The following PIAS4 variants were observed in gnomAD, a reference collection of about 807,000 sequenced individuals.
PIAS4 encodes protein inhibitor of activated STAT 4.
PIAS4 carries 7 observed loss-of-function variants against 58.0 expected under a neutral mutation model. The ratio of observed to expected loss-of-function variants is 0.12; its 90% confidence interval spans 0.07 to 0.23. The LOEUF (loss-of-function observed/expected upper bound fraction) is 0.23. Among genes scored for constraint, PIAS4 ranks in the 10% least tolerant of loss-of-function variants. PIAS4 has a pLI of 1.00. For synonymous variants in PIAS4, 364 were observed against 312.4 expected, an observed-to-expected ratio of 1.17 and a Z score of -1.74; for missense variants, 550 against 709.5, an observed-to-expected ratio of 0.78 and a Z score of 2.55.
chr19:4,037,249 T>G lies in PIAS4; in HGVS notation c.1143-125T>G. ...GGTCCCTGGACCCCTGCGGTCGGGG[T>G]GGTGAGGCTGCTCTTGCAGAGAGAA... is the stretch of plus-strand genomic sequence containing the variant. On this transcript the variant is annotated intron_variant, in intron 9 of 10. Transcript: ENST00000262971. This position sits in a 1 kb window ranked among gnomAD's most constrained non-coding sequence, Gnocchi z 5.8. 2.5e-6 allele frequency: 3 copies of G among 1,205,778 alleles called. No homozygotes were observed. Among genetic ancestry groups the G allele is most frequent in the South Asian group, 1.5e-5 (1 of 65,050 alleles). The allele number at this position is 1,205,778 out of a possible 1,614,324, so 74.7% of individuals were successfully genotyped here.
At chr19:4,035,153 G>A (rs531790148) in intron 9 of PIAS4, among the ~76,000 whole-genome samples, 44 of 152,286 alleles carry the variant, frequency 2.9e-4, no homozygotes, top group African/African-American at 1.0e-3. Context: ...CTCAGAGAGA[G>A]CTCGGCGGGG....
Position 4,013,419 on chromosome 19 carries a change from CCA to C in PIAS4, c.454+75_454+76del. 7.3e-7 allele frequency: 1 copy of C among 1,374,168 alleles called. No homozygotes were observed. The highest frequency in any genetic ancestry group is 2.3e-5 in the East Asian group (1 of 43,338). 85.1% of individuals were successfully genotyped at this position (1,374,168 alleles called of 1,614,324 possible). A position where few individuals can be genotyped will look rare whatever the true frequency, so the allele number is the denominator to read the frequency against. The stretch of plus-strand genomic sequence containing the variant: ...GGCCCCGTCGCCCAGCCCAGCCCAG[CCA>C]CACAGCCGACTTCGAGTGATGTTCT... On this transcript the variant is annotated intron_variant, in intron 2 of 10. Coordinates refer to ENST00000262971, the MANE Select transcript of PIAS4 (RefSeq NM_015897.4). The surrounding 1 kb of genome is among the most constrained non-coding windows in gnomAD (Gnocchi z 5.1).
intron 9 of PIAS4, 34 bp downstream of exon 9, chr19:4,033,614 C>A: frequency 6.4e-7 from 1 of 1,556,694 alleles, no homozygotes; most frequent in Non-Finnish European, 8.7e-7. Flanking sequence ...GCGGCCGGAG[C>A]CGGACATCCG....
chr19:4,030,982 C>A (rs191960085), intron 7 of PIAS4, among the ~76,000 whole-genome samples: 2 of 152,186 alleles, frequency 1.3e-5, no homozygotes, highest in Admixed American at 6.5e-5. Context: ...CTGGGCCAGC[C>A]GGGTTTGCTC....
chr19:4,012,048 G>A (rs1485970481), intron 1 of PIAS4, among the ~76,000 whole-genome samples: 3 of 146,686 alleles, frequency 2.0e-5, no homozygotes, highest in Non-Finnish European at 4.5e-5. Context: ...AGGTGTGTGG[G>A]GTGTGGAGGT....
At chr19:4,017,966 C>T (rs1384949531) in intron 2 of PIAS4, among the ~76,000 whole-genome samples, 4 of 151,990 alleles carry the variant, frequency 2.6e-5, no homozygotes, top group Non-Finnish European at 4.4e-5. Flanking sequence ...TGAGCCACTG[C>T]GCCCAGTCTC....
At chr19:4,010,393 T>C (rs1371847537) in intron 1 of PIAS4, among the ~76,000 whole-genome samples, 3 of 152,260 alleles carry the variant, frequency 2.0e-5, no homozygotes, top group Non-Finnish European at 2.9e-5. Context: ...CTTCGGCCAG[T>C]CTGCCAGTGT....
intron 2 of PIAS4, among the ~76,000 whole-genome samples, chr19:4,020,248 C>G (rs2040095744): frequency 2.0e-5 from 3 of 152,146 alleles, no homozygotes; most frequent in African/African-American, 7.2e-5. Context: ...AGTTCCAAGA[C>G]AGTGCTGGTA....
chr19:4,008,804 C>A (rs2039966967), intron 1 of PIAS4, among the ~76,000 whole-genome samples: 3 of 151,774 alleles, frequency 2.0e-5, no homozygotes, highest in South Asian at 2.1e-4. Context: ...GCCCCCAGAA[C>A]TTTTATGCAC....
At chr19:4,010,605 G>C (rs1256566293) in intron 1 of PIAS4, among the ~76,000 whole-genome samples, 1 of 152,242 alleles carries the variant, frequency 6.6e-6, no homozygotes, top group Admixed American at 6.5e-5. Context: ...GCTGGTGAGT[G>C]AGGGTCCCCC....
rs534715431 is a variant in PIAS4, at chr19:4,037,204, G to C, written c.1143-170G>C. On this transcript the variant is annotated intron_variant, in intron 9 of 10. Transcript: ENST00000262971. This position sits in a 1 kb window ranked among gnomAD's most constrained non-coding sequence, Gnocchi z 5.8. The stretch of plus-strand genomic sequence containing the variant: ...GGGCTCAGCACCTGCAGGGGCCTGA[G>C]GGCGGGGGAGGGAATGCGGGGTCCC... Among the ~76,000 whole-genome samples the C allele has an allele frequency of 6.4e-4, 97 of 152,336 alleles. No homozygotes were observed. The highest frequency in any genetic ancestry group is 2.0e-3 in the Admixed American group (30 of 15,310).
chr19:4,037,569 C>T lies in PIAS4; in HGVS notation c.1274-47C>T. The T allele has an allele frequency of 6.2e-7, 1 of 1,607,520 alleles. No individual in the cohort carries two copies. Among genetic ancestry groups the T allele is most frequent in the Non-Finnish European group, 8.5e-7 (1 of 1,179,754 alleles). ...GGGCCGCCTCAGTTTCCCCATTTATCAGTGGTTGCATCCTAAGTACCTGCA... is the reference window on the plus strand; with the variant it reads ...GGGCCGCCTCAGTTTCCCCATTTATTAGTGGTTGCATCCTAAGTACCTGCA... On this transcript the variant is annotated intron_variant, in intron 10 of 10. Coordinates refer to ENST00000262971, the MANE Select transcript of PIAS4 (RefSeq NM_015897.4). The surrounding 1 kb of genome is among the most constrained non-coding windows in gnomAD (Gnocchi z 5.8).
In PIAS4 at chr19:4,024,079, C is replaced by T. The variant is rs763443161; in HGVS notation, c.498C>T (p.Phe166=). The T allele has an allele frequency of 5.6e-6, 9 of 1,614,042 alleles. No individual in the cohort carries two copies. The highest frequency in any genetic ancestry group is 7.6e-6 in the Non-Finnish European group (9 of 1,179,898). The part of the protein sequence containing the change: ...NEKLQESPCI[F]ALTPRQVELI... ...AGCTTCAGGAGAGCCCGTGCATCTT[C>T]GCATTGACGCCAAGACAGGTGGAGT... The change falls in exon 3 of 11, where the codon TTC becomes TTT. Residue 166 remains phenylalanine (F), a synonymous_variant. Transcript: ENST00000262971.
At chr19:4,023,940 T>A (rs2040136488) in intron 2 of PIAS4, 96 bp from the exon 3 acceptor site, 1 of 839,598 alleles carries the variant, frequency 1.2e-6, no homozygotes, top group African/African-American at 1.7e-5. Context: ...CCATTTCCTG[T>A]TTCCTGGTCT....
intron 1 of PIAS4, among the ~76,000 whole-genome samples, chr19:4,012,676 G>A (rs937662171): frequency 6.6e-6 from 1 of 151,924 alleles, no homozygotes; most frequent in African/African-American, 2.4e-5. Context: ...TAGAAGGGGG[G>A]GCCTAGTCAG....
chr19:4,008,061 G>A (rs1348054159), intron 1 of PIAS4, among the ~76,000 whole-genome samples: 2 of 151,810 alleles, frequency 1.3e-5, no homozygotes, highest in African/African-American at 2.4e-5. Flanking sequence ...GAGCCCTTAG[G>A]GTCCCGGTCC....
intron 2 of PIAS4, 76 bp from the exon 3 acceptor site, chr19:4,023,960 C>T (rs1396454053): frequency 2.1e-6 from 2 of 968,458 alleles, no homozygotes; most frequent in East Asian, 2.4e-5. Context: ...TGAAGAGGCG[C>T]AGGCTGGGAA....
At position 4,037,632 on chromosome 19, in the gene PIAS4, T is replaced by C. The variant is rs759363534; in HGVS notation, c.1290T>C (p.Asn430=). The part of the protein sequence containing the change: ...AILVLGPSDA[N]GLLPAPSVNG... ...TGCCCGTAGGCCCCTCGGACGCCAA[T>C]GGGCTCCTGCCCGCCCCCAGCGTCA... The change falls in exon 11 of 11, where the codon AAT becomes AAC. Residue 430 remains asparagine, a synonymous_variant. Transcript: ENST00000262971. This position sits in a 1 kb window ranked among gnomAD's most constrained non-coding sequence, Gnocchi z 5.8. 2 of 1,611,158 alleles carry C rather than the reference T, an allele frequency of 1.2e-6. No individual in the cohort carries two copies. Among genetic ancestry groups the C allele is most frequent in the Non-Finnish European group, 1.7e-6 (2 of 1,179,746 alleles).
chr19:4,035,372 G>C (rs370552884), intron 9 of PIAS4, among the ~76,000 whole-genome samples: 1 of 152,158 alleles, frequency 6.6e-6, no homozygotes. Context: ...CCCTTCCTGC[G>C]GGTGGGGAGA....
Sources: gnomAD v4.1 joint callset for allele counts (sites outside exome capture counted in the v4.1 genomes callset) on GRCh38, gnomAD v4.1.1 for gene constraint, Gnocchi (gnomAD v3.1) non-coding constraint, MANE v1.5 for transcripts, NCBI Gene and HGNC (gene_info 2026-07-23, HGNC 2026-07-21) for gene names.